LINGO2: variants seen among roughly 807,000 people sequenced by gnomAD.
LINGO2 encodes the protein leucine-rich repeat and immunoglobulin-like domain-containing nogo receptor-interacting protein 2.
LINGO2 carries 14 observed loss-of-function variants against 30.6 expected under a neutral mutation model. The observed-to-expected ratio is 0.46, with a 90% CI of 0.30 to 0.72. The LOEUF is 0.72. LINGO2 is among the 30% of genes least tolerant of loss of function. LINGO2 has a pLI of 0.07. For synonymous variants in LINGO2, 317 were observed against 288.5 expected, an observed-to-expected ratio of 1.10 and a Z score of -1.00; for missense variants, 729 against 751.7, an observed-to-expected ratio of 0.97 and a Z score of 0.35.
Position 28,554,507 on chromosome 9 carries a change from G to C in LINGO2, c.-364-78482C>G, listed in dbSNP as rs1364409818. Among the ~76,000 whole-genome samples the C allele has an allele frequency of 6.1e-5, 9 of 147,374 alleles. No individual in the cohort carries two copies. The South Asian group carries it at 6.7e-4, about 11-fold the overall frequency. Reference sequence around the variant, plus strand: ...CACCCAGACTCATAAAGCAAGTCCTGAGTGACCTACAAAGAGACTTAGACT... The same window carrying C: ...CACCCAGACTCATAAAGCAAGTCCTCAGTGACCTACAAAGAGACTTAGACT... On this transcript the variant is annotated intron_variant, in intron 1 of 5. Coordinates refer to ENST00000379992, the Ensembl canonical transcript of LINGO2.
rs180992607 is a variant in LINGO2 at position 28,384,443 on chromosome 9, A to G, written c.-278-11575T>C. On this transcript the variant is annotated intron_variant, in intron 2 of 5. Transcript: ENST00000379992. ...TTTCAGTTAACATTTTATTGTAGTT[A>G]TTGATACGTTTTGATATACTTCATT... Among the ~76,000 whole-genome samples the G allele has an allele frequency of 1.1e-4, 16 of 151,028 alleles. No individual in the cohort carries two copies. In the East Asian group the frequency reaches 2.5e-3, roughly 24 times the overall value.
chr9:28,119,318 G>A (rs912288150), intron 4 of LINGO2, among the ~76,000 whole-genome samples: 4 of 152,034 alleles, frequency 2.6e-5, no homozygotes, highest in African/African-American at 9.7e-5. Flanking sequence ...GTAGAGGTGG[G>A]GTTTCACCAC....
chr9:28,469,877 G>T (rs1177866829), intron 2 of LINGO2, among the ~76,000 whole-genome samples: 1 of 152,046 alleles, frequency 6.6e-6, no homozygotes, highest in Non-Finnish European at 1.5e-5. Flanking sequence ...AAAGTCATAT[G>T]AAAATATGAA....
chr9:27,971,866 C>T (rs1361146589), intron 5 of LINGO2, among the ~76,000 whole-genome samples: 1 of 152,148 alleles, frequency 6.6e-6, no homozygotes, highest in East Asian at 1.9e-4. Flanking sequence ...ATAAATTTCT[C>T]TGTAGCAGAC....
chr9:29,013,387 T>G, the LINGO2 span, among the ~76,000 whole-genome samples: 8 of 80,880 alleles, frequency 9.9e-5, no homozygotes, highest in Admixed American at 4.4e-4. Flanking sequence ...TATTTTATTA[T>G]GAGTTTTTTT....
chr9:28,673,707 A>C (rs1450623644), upstream of LINGO2, among the ~76,000 whole-genome samples: 1 of 151,962 alleles, frequency 6.6e-6, no homozygotes, highest in East Asian at 1.9e-4. Flanking sequence ...CATCATCATA[A>C]ATATTGTTCA....
At chr9:28,648,514 C>T (rs1326780662) in intron 1 of LINGO2, among the ~76,000 whole-genome samples, 1 of 152,020 alleles carries the variant, frequency 6.6e-6, no homozygotes, top group African/African-American at 2.4e-5. Flanking sequence ...CACATTAAGT[C>T]TAATAATCAC....
At chr9:28,252,250 G>A (rs551943761) in intron 4 of LINGO2, among the ~76,000 whole-genome samples, 23 of 152,018 alleles carry the variant, frequency 1.5e-4, no homozygotes, top group African/African-American at 4.8e-4. Context: ...TTTTTGAGAT[G>A]GACTCTCACT....
the LINGO2 span, among the ~76,000 whole-genome samples, chr9:28,810,914 G>A: frequency 6.6e-6 from 1 of 152,010 alleles, no homozygotes; most frequent in African/African-American, 2.4e-5. Context: ...CCAGGGCTTT[G>A]TGTTTGTTCT....
intron 1 of LINGO2, among the ~76,000 whole-genome samples, chr9:28,541,374 G>A (rs1821689496): frequency 6.6e-6 from 1 of 152,010 alleles, no homozygotes; most frequent in Non-Finnish European, 1.5e-5. Flanking sequence ...TATTTGCTTT[G>A]GTAAAAATAA....
chr9:29,106,637 C>T, the LINGO2 span, among the ~76,000 whole-genome samples: 1 of 152,130 alleles, frequency 6.6e-6, no homozygotes, highest in Non-Finnish European at 1.5e-5. Flanking sequence ...ATCAGCCAAC[C>T]ACAGAGTTTA....
the LINGO2 span, among the ~76,000 whole-genome samples, chr9:28,869,894 C>T: frequency 1.4e-4 from 21 of 151,982 alleles, no homozygotes; most frequent in East Asian, 2.7e-3. Context: ...CCCTGCCTTT[C>T]GATTCTTCCC....
the LINGO2 span, among the ~76,000 whole-genome samples, chr9:29,115,372 G>T: frequency 1.3e-5 from 2 of 151,798 alleles, no homozygotes; most frequent in Non-Finnish European, 2.9e-5. Flanking sequence ...ATTTTTTGAG[G>T]CAGGTAAAGT....
the LINGO2 span, among the ~76,000 whole-genome samples, chr9:28,944,851 T>C: frequency 1.6e-4 from 24 of 152,280 alleles, no homozygotes; most frequent in African/African-American, 5.8e-4. Context: ...GAATGTTTTT[T>C]ACCTGTGTGC....
At chr9:27,999,470 G>T (rs1821838293) in intron 5 of LINGO2, among the ~76,000 whole-genome samples, 1 of 149,998 alleles carries the variant, frequency 6.7e-6, no homozygotes, top group Non-Finnish European at 1.5e-5. Context: ...GAGAGAGAGA[G>T]AGTCTGTGTG....
At chr9:28,096,902 C>A (rs1456572790) in intron 4 of LINGO2, among the ~76,000 whole-genome samples, 1 of 152,036 alleles carries the variant, frequency 6.6e-6, no homozygotes, top group Admixed American at 6.6e-5. Flanking sequence ...AACTTGTCAT[C>A]ATTATAATAG....
the LINGO2 span, among the ~76,000 whole-genome samples, chr9:29,161,312 CT>C: frequency 6.7e-4 from 102 of 152,328 alleles, no homozygotes; most frequent in African/African-American, 2.2e-3. Context: ...CCCACAGCCC[CT>C]GGGTGTTCTT....
chr9:29,113,614 G>A, the LINGO2 span, among the ~76,000 whole-genome samples: 233 of 152,234 alleles, frequency 1.5e-3, no homozygotes, highest in African/African-American at 4.5e-3. Flanking sequence ...TTCATTTCAC[G>A]GTTGCCAAAA....
the LINGO2 span, among the ~76,000 whole-genome samples, chr9:28,972,318 T>A: frequency 0.91 from 137,927 of 152,222 alleles, 62,672 homozygotes; most frequent in Non-Finnish European, 0.93. Context: ...ACCAGGGACC[T>A]ATCCTTCCTG....
Sources: allele counts gnomAD v4.1 joint callset (sites outside exome capture counted in the v4.1 genomes callset), GRCh38; gene constraint gnomAD v4.1.1; transcripts MANE v1.5; gene names NCBI Gene and HGNC (gene_info 2026-07-23, HGNC 2026-07-21).